RABGAP1L: variants seen among roughly 807,000 people sequenced by gnomAD.
The protein encoded by RABGAP1L is RAB GTPase activating protein 1 like, also known as rab GTPase-activating protein 1-like.
RABGAP1L carries 63 observed loss-of-function variants against 137.7 expected under a neutral mutation model. That is an observed-to-expected ratio of 0.46 (90% confidence interval 0.37 to 0.56). RABGAP1L has a LOEUF of 0.56. Ranked by LOEUF, RABGAP1L falls within the 20% of genes least tolerant of loss-of-function variation. The pLI is 0.00. For missense variants in RABGAP1L, 1,095 were observed against 1,244.0 expected (o/e 0.88, Z 1.80); for synonymous variants, 431 against 433.7 (o/e 0.99, Z 0.08).
chr1:174,747,639 T>A (rs541428086), intron 17 of RABGAP1L, among the ~76,000 whole-genome samples: 5 of 152,146 alleles, frequency 3.3e-5, no homozygotes, highest in Non-Finnish European at 5.9e-5. Context: ...TAAATTTTTC[T>A]GGTAACTGAA....
Position 174,857,890 on chromosome 1 carries a change from G to T in RABGAP1L, c.2340+45930G>T, listed in dbSNP as rs1426759736. ...TCATTTACTGACAATTTTCAGTAGGGTCAGAAACAATATCAGATTGGTCTG... is the reference window on the plus strand; with the variant it reads ...TCATTTACTGACAATTTTCAGTAGGTTCAGAAACAATATCAGATTGGTCTG... On this transcript the variant is annotated intron_variant, in intron 19 of 25. Transcript: ENST00000681986. Among the ~76,000 whole-genome samples the T allele has an allele frequency of 2.0e-5, 3 of 152,084 alleles. No individual in the cohort carries two copies. In the East Asian group the frequency reaches 5.8e-4, roughly 29 times the overall value.
rs907969608 is a variant in RABGAP1L, at chr1:174,855,186, G to A, written c.2340+43226G>A. Among the ~76,000 whole-genome samples the A allele has an allele frequency of 2.6e-5, 4 of 152,114 alleles. No homozygotes were observed. The South Asian group carries it at 8.3e-4, about 32-fold the overall frequency. ...AAGTGTAGGAAGTCAAATTACCATTGAGCGTAGGTCATATATTCTAGTAGT... is the reference window on the plus strand; with the variant it reads ...AAGTGTAGGAAGTCAAATTACCATTAAGCGTAGGTCATATATTCTAGTAGT... On this transcript the variant is annotated intron_variant, in intron 19 of 25. Transcript: ENST00000681986.
chr1:174,943,791 C>A (rs922723103), intron 19 of RABGAP1L, among the ~76,000 whole-genome samples: 1 of 151,940 alleles, frequency 6.6e-6, no homozygotes, highest in Non-Finnish European at 1.5e-5. Context: ...CGAGATCACG[C>A]CACTGCACTC....
intron 13 of RABGAP1L, among the ~76,000 whole-genome samples, chr1:174,571,145 T>C (rs1453194843): frequency 6.6e-6 from 1 of 152,178 alleles, no homozygotes; most frequent in East Asian, 1.9e-4. Flanking sequence ...GAGATCATTA[T>C]GTTAAGTGAA....
intron 13 of RABGAP1L, among the ~76,000 whole-genome samples, chr1:174,621,793 G>C (rs1434881528): frequency 6.6e-6 from 1 of 152,194 alleles, no homozygotes; most frequent in Admixed American, 6.5e-5. Context: ...ATAGGCATGG[G>C]CAAGGACTTC....
At chr1:174,192,597 C>T (rs1351861974) in intron 1 of RABGAP1L, among the ~76,000 whole-genome samples, 1 of 152,156 alleles carries the variant, frequency 6.6e-6, no homozygotes, top group Non-Finnish European at 1.5e-5. Context: ...GCTGGGATTA[C>T]ACACGTGAGC....
At chr1:174,687,217 C>G (rs1277458417) in intron 15 of RABGAP1L, among the ~76,000 whole-genome samples, 1 of 152,036 alleles carries the variant, frequency 6.6e-6, no homozygotes. Flanking sequence ...ACATTAGGTA[C>G]TCTACTATTA....
Position 174,181,120 on chromosome 1 carries a change from C to T in RABGAP1L, c.-34+21463C>T, listed in dbSNP as rs138406790. Among the ~76,000 whole-genome samples, 7 of 152,244 alleles carry T rather than the reference C, an allele frequency of 4.6e-5. No homozygotes were observed. In the East Asian group the frequency reaches 1.4e-3, roughly 29 times the overall value. On this transcript the variant is annotated intron_variant, in intron 1 of 25. Transcript: ENST00000681986. Reference sequence around the variant, plus strand: ...GCTACAACTAACACCAGAAAAGTAGCTTAAACTTAGGATGTATATAGGTTA... The same window carrying T: ...GCTACAACTAACACCAGAAAAGTAGTTTAAACTTAGGATGTATATAGGTTA...
intron 13 of RABGAP1L, among the ~76,000 whole-genome samples, chr1:174,443,523 T>C (rs143192106): frequency 4.4e-4 from 67 of 152,272 alleles, no homozygotes; most frequent in Non-Finnish European, 5.6e-4. Context: ...TATGTCCTCC[T>C]GTGAGAAATG....
At chr1:174,547,719 T>A in intron 13 of RABGAP1L, 1 of 857,192 alleles carries the variant, frequency 1.2e-6, no homozygotes, top group South Asian at 1.8e-5. Context: ...CATGGGGAAT[T>A]TATCTGCAAA....
chr1:174,810,947 T>A (rs922000833), intron 18 of RABGAP1L, among the ~76,000 whole-genome samples: 8 of 150,934 alleles, frequency 5.3e-5, no homozygotes, highest in African/African-American at 1.9e-4. Context: ...AAAAAAAAAA[T>A]TATAAGTAGC....
chr1:174,297,959 T>C (rs966200479), intron 10 of RABGAP1L, among the ~76,000 whole-genome samples: 1 of 152,100 alleles, frequency 6.6e-6, no homozygotes, highest in Non-Finnish European at 1.5e-5. Flanking sequence ...GGAAATTAAC[T>C]CTTTCCAGTT....
At chr1:174,715,144 T>C (rs1011835102) in intron 17 of RABGAP1L, among the ~76,000 whole-genome samples, 2 of 152,178 alleles carry the variant, frequency 1.3e-5, no homozygotes, top group African/African-American at 4.8e-5. Context: ...TTTTGACCCA[T>C]ATAAATAATT....
At chr1:174,398,037 T>C (rs1294941331) in intron 13 of RABGAP1L, among the ~76,000 whole-genome samples, 3 of 152,194 alleles carry the variant, frequency 2.0e-5, no homozygotes, top group Non-Finnish European at 4.4e-5. Flanking sequence ...GGGCAGAATG[T>C]GGGACTAGGA....
intron 13 of RABGAP1L, among the ~76,000 whole-genome samples, chr1:174,620,453 T>C (rs972453429): frequency 6.6e-6 from 1 of 152,104 alleles, no homozygotes; most frequent in African/African-American, 2.4e-5. Flanking sequence ...CACAGTGCAA[T>C]CAAACTAGAA....
At chr1:174,567,385 A>G (rs927343954) in intron 13 of RABGAP1L, among the ~76,000 whole-genome samples, 5 of 152,152 alleles carry the variant, frequency 3.3e-5, no homozygotes, top group African/African-American at 1.2e-4. Flanking sequence ...TTATTCTGTT[A>G]TATGTGTAGG....
chr1:174,705,065 A>C (rs2148533840), intron 17 of RABGAP1L: 1 of 152,236 alleles, frequency 6.6e-6, no homozygotes, highest in South Asian at 2.1e-4. Context: ...AATATTTGTT[A>C]TTGCTTCACA....
intron 13 of RABGAP1L, among the ~76,000 whole-genome samples, chr1:174,520,729 A>G (rs969545716): frequency 2.0e-5 from 3 of 152,188 alleles, no homozygotes; most frequent in African/African-American, 7.2e-5. Flanking sequence ...TCGGCTGGGC[A>G]TGGAGGCTCA....
At chr1:174,470,190 A>T (rs1254096075) in intron 13 of RABGAP1L, among the ~76,000 whole-genome samples, 1 of 152,152 alleles carries the variant, frequency 6.6e-6, no homozygotes, top group Non-Finnish European at 1.5e-5. Flanking sequence ...GTATTGATCC[A>T]TCTTTTTCTC....
Sources: gnomAD v4.1 joint callset for allele counts (sites outside exome capture counted in the v4.1 genomes callset) on GRCh38, gnomAD v4.1.1 for gene constraint, MANE v1.5 for transcripts, NCBI Gene and HGNC (gene_info 2026-07-23, HGNC 2026-07-21) for gene names.